RNGTT: variants seen among roughly 807,000 people sequenced by gnomAD.
The protein encoded by RNGTT is RNA guanylyltransferase and 5'-phosphatase.
In RNGTT, 33 loss-of-function variants were observed where a neutral mutation model predicts 79.3. That is an observed-to-expected ratio of 0.42 (90% CI 0.32 to 0.56). The LOEUF (loss-of-function observed/expected upper bound fraction) is 0.56, where lower values mean the gene tolerates loss of function less well. Ranked by LOEUF, RNGTT falls within the 20% of genes least tolerant of loss-of-function variation. RNGTT has a pLI of 0.17. For missense variants in RNGTT, 497 were observed against 739.1 expected (o/e 0.67, Z 3.80); for synonymous variants, 222 against 235.9 (o/e 0.94, Z 0.54).
chr6:88,722,677 G>T (rs1776745532), intron 13 of RNGTT, among the ~76,000 whole-genome samples: 2 of 152,254 alleles, frequency 1.3e-5, no homozygotes, highest in African/African-American at 4.8e-5. Context: ...TTTTGACAAG[G>T]TTTTCACATG....
intron 13 of RNGTT, among the ~76,000 whole-genome samples, chr6:88,684,647 G>A (rs1775209360): frequency 6.6e-6 from 1 of 151,920 alleles, no homozygotes; most frequent in African/African-American, 2.4e-5. Flanking sequence ...CCAACTATAT[G>A]ATATTCTGAG....
At chr6:88,705,637 C>T (rs1046555558) in intron 13 of RNGTT, among the ~76,000 whole-genome samples, 1 of 152,064 alleles carries the variant, frequency 6.6e-6, no homozygotes, top group East Asian at 1.9e-4. Context: ...GGTATTCATG[C>T]AAAATTTTTA....
chr6:88,630,654 C>T (rs1233241072), intron 14 of RNGTT, among the ~76,000 whole-genome samples: 2 of 151,530 alleles, frequency 1.3e-5, no homozygotes, highest in African/African-American at 4.9e-5. Flanking sequence ...CTGAGTTAAA[C>T]AGGCCAAGCA....
intron 1 of RNGTT, among the ~76,000 whole-genome samples, chr6:88,963,040 G>T (rs561519960): frequency 6.6e-6 from 1 of 152,080 alleles, no homozygotes; most frequent in South Asian, 2.1e-4. Flanking sequence ...TAACAGGTTC[G>T]CAAACTACTA....
chr6:88,829,538 A>T (rs1376862725), intron 11 of RNGTT, among the ~76,000 whole-genome samples: 2 of 152,130 alleles, frequency 1.3e-5, no homozygotes, highest in African/African-American at 2.4e-5. Context: ...TTAACCTTAA[A>T]TGTAAATGGG....
chr6:88,618,964 C>T (rs1344949467), intron 14 of RNGTT, among the ~76,000 whole-genome samples: 2 of 152,064 alleles, frequency 1.3e-5, no homozygotes, highest in Admixed American at 1.3e-4. Flanking sequence ...GTCCCTTCTC[C>T]CCTATTTATT....
intron 14 of RNGTT, among the ~76,000 whole-genome samples, chr6:88,659,267 G>A (rs566168437): frequency 2.6e-5 from 4 of 152,130 alleles, no homozygotes; most frequent in Non-Finnish European, 5.9e-5. Flanking sequence ...GATCACACTA[G>A]CTCCCCAGCA....
At chr6:88,727,975 G>A (rs1045113871) in intron 13 of RNGTT, among the ~76,000 whole-genome samples, 2 of 152,096 alleles carry the variant, frequency 1.3e-5, no homozygotes, top group African/African-American at 2.4e-5. Flanking sequence ...GAGTCAGCCC[G>A]GGAAGGACCC....
intron 11 of RNGTT, among the ~76,000 whole-genome samples, chr6:88,832,742 A>C (rs770315095): frequency 1.4e-4 from 21 of 152,176 alleles, no homozygotes; most frequent in Non-Finnish European, 2.9e-4. Context: ...AGAAAAAACA[A>C]CCCCATCAAA....
chr6:88,934,180 A>G (rs76756734), intron 2 of RNGTT, among the ~76,000 whole-genome samples: 3,090 of 152,194 alleles, frequency 0.02, 106 homozygotes, highest in African/African-American at 0.069. Flanking sequence ...TGGCAGGCAC[A>G]TACCTCATGC....
intron 11 of RNGTT, among the ~76,000 whole-genome samples, chr6:88,808,777 A>G (rs1780042150): frequency 6.6e-6 from 1 of 152,068 alleles, no homozygotes; most frequent in Non-Finnish European, 1.5e-5. Flanking sequence ...TAGGTTTATC[A>G]TAGTCAAAAC....
At chr6:88,778,714 C>A (rs1045717205) in intron 12 of RNGTT, among the ~76,000 whole-genome samples, 15 of 152,116 alleles carry the variant, frequency 9.9e-5, no homozygotes, top group African/African-American at 3.4e-4. Flanking sequence ...GGATTGCTTA[C>A]TTCAAACGGA....
At chr6:88,815,413 T>C (rs138526607) in intron 11 of RNGTT, among the ~76,000 whole-genome samples, 182 of 152,158 alleles carry the variant, frequency 1.2e-3, no homozygotes, top group African/African-American at 3.9e-3. Context: ...GTGCTCTGAG[T>C]TTTGTGGGTC....
intron 13 of RNGTT, among the ~76,000 whole-genome samples, chr6:88,732,223 T>C (rs1350828737): frequency 6.6e-6 from 1 of 152,168 alleles, no homozygotes; most frequent in East Asian, 1.9e-4. Flanking sequence ...GGACAAAGGA[T>C]GTGAATAAAC....
chr6:88,917,299 T>C (rs758430639), intron 4 of RNGTT, among the ~76,000 whole-genome samples: 22 of 152,182 alleles, frequency 1.4e-4, no homozygotes, highest in Admixed American at 1.1e-3. Flanking sequence ...ATAAAAACCT[T>C]AGTCATTGAA....
chr6:88,762,090 T>C (rs952324273), intron 13 of RNGTT, among the ~76,000 whole-genome samples: 1 of 152,130 alleles, frequency 6.6e-6, no homozygotes, highest in Non-Finnish European at 1.5e-5. Context: ...GCCACTGCAG[T>C]CCGTAAGTTA....
At chr6:88,647,667 C>T (rs1773621285) in intron 14 of RNGTT, among the ~76,000 whole-genome samples, 1 of 137,230 alleles carries the variant, frequency 7.3e-6, no homozygotes, top group Admixed American at 7.5e-5. Flanking sequence ...ATTGTACCTG[C>T]ACTCCAGCCT....
In RNGTT at chr6:88,769,828, G is replaced by A. The variant is rs755113865; in HGVS notation, c.1385C>T (p.Pro462Leu). 8.1e-6 allele frequency: 13 copies of A among 1,611,930 alleles called. No homozygotes were observed. Among genetic ancestry groups the A allele is most frequent in the Non-Finnish European group, 8.5e-6 (10 of 1,178,892 alleles). ...ACGAAAATCCACAGAATTCAGACTGGGAGGCTTCCATTTCAAAATATCATC... is the reference window on the plus strand; with the variant it reads ...ACGAAAATCCACAGAATTCAGACTGAGAGGCTTCCATTTCAAAATATCATC... ...RCDDILKWKP[P>L]SLNSVDFRLK... The change falls in exon 13 of 16, where the codon CCC (proline) becomes CTC (leucine). Residue 462 changes from proline (P) to leucine (L), a missense_variant. By Grantham distance (98) the Pro-to-Leu change is moderately conservative (BLOSUM62 -3). Coordinates refer to ENST00000369485, the MANE Select transcript of RNGTT (RefSeq NM_003800.5).
rs533079313 is a variant in RNGTT, at chr6:88,812,965, A to G, written c.1270-11333T>C. ...AGAAAATGATGAGAAGAGCAAGAGA[A>G]GGAGGTAATACATACAAAACTACTA... On this transcript the variant is annotated intron_variant, in intron 11 of 15. Coordinates refer to ENST00000369485, the MANE Select transcript of RNGTT (RefSeq NM_003800.5). Among the ~76,000 whole-genome samples, 16 of 152,370 alleles carry G rather than the reference A, an allele frequency of 1.1e-4. No homozygotes were observed. In the South Asian group the frequency reaches 3.3e-3, roughly 32 times the overall value.
Sources: allele counts gnomAD v4.1 joint callset (sites outside exome capture counted in the v4.1 genomes callset), GRCh38; gene constraint gnomAD v4.1.1; transcripts MANE v1.5; gene names NCBI Gene and HGNC (gene_info 2026-07-23, HGNC 2026-07-21).